The following CACNG7 variants were observed in gnomAD, a reference collection of about 807,000 sequenced individuals.
CACNG7 encodes the protein voltage-dependent calcium channel gamma-7 subunit.
CACNG7 carries 9 observed loss-of-function variants against 26.3 expected under a neutral mutation model. The ratio of observed to expected loss-of-function variants is 0.34; its 90% CI spans 0.21 to 0.60. The LOEUF is 0.60. Ranked by LOEUF, CACNG7 falls within the 20% of genes least tolerant of loss-of-function variation. The pLI, the probability that CACNG7 is intolerant of heterozygous loss-of-function variation, is 0.81. For missense variants in CACNG7, 297 were observed against 380.4 expected (o/e 0.78, Z 1.82); for synonymous variants, 170 against 157.0 (o/e 1.08, Z -0.62).
At chr19:53,933,818 T>A (rs2069089039) in intron 4 of CACNG7, among the ~76,000 whole-genome samples, 2 of 152,120 alleles carry the variant, frequency 1.3e-5, no homozygotes, top group Admixed American at 1.3e-4. Flanking sequence ...TTGCTCCATG[T>A]CATCGTTTTT....
intron 4 of CACNG7, among the ~76,000 whole-genome samples, chr19:53,920,167 C>T (rs1483993203): frequency 1.1e-5 from 1 of 89,206 alleles, no homozygotes; most frequent in African/African-American, 6.0e-5. Flanking sequence ...GGAGTTGTCC[C>T]CAGGCCTGGT....
intron 4 of CACNG7, among the ~76,000 whole-genome samples, chr19:53,931,447 G>A (rs1325542764): frequency 6.6e-6 from 1 of 151,924 alleles, no homozygotes; most frequent in Non-Finnish European, 1.5e-5. Flanking sequence ...AGCACTTTGG[G>A]AGGCCGAGCT....
chr19:53,914,290 A>AAAAGAAAAAG (rs370226310), intron 2 of CACNG7, among the ~76,000 whole-genome samples: 4 of 101,666 alleles, frequency 3.9e-5, no homozygotes, highest in African/African-American at 9.8e-5. Flanking sequence ...AAAAAAAAGA[A>AAAAGAAAAAG]AAAAAGAAAA....
intron 2 of CACNG7, 64 bp downstream of exon 2, chr19:53,913,091 C>A: frequency 7.1e-7 from 1 of 1,409,930 alleles, no homozygotes; most frequent in African/African-American, 1.4e-5. Flanking sequence ...AGAGTCTTAG[C>A]CATAGTCCCA....
intron 4 of CACNG7, among the ~76,000 whole-genome samples, chr19:53,923,905 GT>G (rs71189902): frequency 7.0e-6 from 1 of 143,394 alleles, no homozygotes; most frequent in Non-Finnish European, 1.5e-5. Flanking sequence ...GTTGCCCCAG[GT>G]CTGGTCATTG....
intron 4 of CACNG7, among the ~76,000 whole-genome samples, chr19:53,929,395 T>C (rs1351416015): frequency 6.6e-6 from 1 of 152,142 alleles, no homozygotes; most frequent in Non-Finnish European, 1.5e-5. Context: ...CTGCTCATAT[T>C]TCAAGACCAA....
At chr19:53,911,703 C>T (rs946397096) in intron 1 of CACNG7, among the ~76,000 whole-genome samples, 6 of 152,258 alleles carry the variant, frequency 3.9e-5, no homozygotes, top group African/African-American at 1.4e-4. Context: ...GTTTCCGAAC[C>T]CACAGGGCTG....
Position 53,942,476 on chromosome 19 carries a change from G to T in CACNG7, c.*183G>T, listed in dbSNP as rs949803885. 6 of 1,440,272 alleles carry T rather than the reference G, an allele frequency of 4.2e-6. No homozygotes were observed. Among genetic ancestry groups the T allele is most frequent in the South Asian group, 1.5e-5 (1 of 67,652 alleles). The allele number at this position is 1,440,272 out of a possible 1,614,324, so 89.2% of individuals were successfully genotyped here. A position where few individuals can be genotyped will look rare whatever the true frequency, so the allele number is the denominator to read the frequency against. ...CACAGACTCCCTTATTTCAATGGCCGCGCCCTCTTTTCCCGACCTCTCCTT... is the reference window on the plus strand; with the variant it reads ...CACAGACTCCCTTATTTCAATGGCCTCGCCCTCTTTTCCCGACCTCTCCTT... On this transcript the variant is annotated 3_prime_UTR_variant, in exon 6 of 6. Transcript: ENST00000391767. The surrounding 1 kb of genome is among the most constrained non-coding windows in gnomAD (Gnocchi z 5.9).
intron 1 of CACNG7, among the ~76,000 whole-genome samples, chr19:53,911,972 T>G (rs1349349237): frequency 6.6e-6 from 1 of 152,108 alleles, no homozygotes; most frequent in African/African-American, 2.4e-5. Context: ...AGCCCTGGTA[T>G]GGGGTTAGAG....
chr19:53,921,350 T>G (rs1215364240), intron 4 of CACNG7, among the ~76,000 whole-genome samples: 2 of 124,248 alleles, frequency 1.6e-5, no homozygotes, highest in African/African-American at 3.5e-5. Flanking sequence ...CCCAGGCTGG[T>G]CATTGGTGGA....
At chr19:53,925,315 T>G (rs2069018668) in intron 4 of CACNG7, among the ~76,000 whole-genome samples, 1 of 140,722 alleles carries the variant, frequency 7.1e-6, no homozygotes, top group Admixed American at 7.2e-5. Flanking sequence ...ATTGGTGGAG[T>G]TGTCCCCAGG....
At chr19:53,924,773 C>A (rs2069009594) in intron 4 of CACNG7, among the ~76,000 whole-genome samples, 2 of 124,980 alleles carry the variant, frequency 1.6e-5, no homozygotes, top group Non-Finnish European at 3.3e-5. Context: ...TAGGGCTGGT[C>A]ATTGGTGGAC....
chr19:53,931,528 A>G (rs566775263), intron 4 of CACNG7, among the ~76,000 whole-genome samples: 2 of 151,814 alleles, frequency 1.3e-5, no homozygotes, highest in African/African-American at 4.8e-5. Flanking sequence ...CTCTATTAAA[A>G]TACAAAAAAG....
intron 4 of CACNG7, among the ~76,000 whole-genome samples, chr19:53,924,195 G>GTTGGTCCCAGGTCTGGTCATTGGTGT (rs2068999257): frequency 3.0e-5 from 4 of 132,858 alleles, no homozygotes; most frequent in Non-Finnish European, 4.8e-5. Context: ...GTCATTGGTG[G>GTTGGTCCCAGGTCTGGTCATTGGTGT]AGTTGTCCCA....
intron 4 of CACNG7, among the ~76,000 whole-genome samples, chr19:53,931,685 T>TAAA (rs747430354): frequency 0.11 from 4,888 of 44,792 alleles, 300 homozygotes; most frequent in Non-Finnish European, 0.18. Flanking sequence ...AGACTCTGTC[T>TAAA]AAAAAAAAAA....
At chr19:53,921,530 A>C in intron 4 of CACNG7, among the ~76,000 whole-genome samples, 1 of 134,186 alleles carries the variant, frequency 7.5e-6, no homozygotes, top group Non-Finnish European at 1.5e-5. Context: ...GAGTTGCCCC[A>C]GGTCTGGTCA....
intron 4 of CACNG7, among the ~76,000 whole-genome samples, chr19:53,923,195 G>GTTGTCCCAGGCTGGTCATTGGTGGA (rs1568776046): frequency 4.4e-5 from 2 of 45,266 alleles, no homozygotes; most frequent in African/African-American, 2.0e-4. Context: ...TCATTGGTGG[G>GTTGTCCCAGGCTGGTCATTGGTGGA]GTTGTCCCAG....
intron 4 of CACNG7, among the ~76,000 whole-genome samples, chr19:53,919,670 C>T (rs1599971914): frequency 7.9e-6 from 1 of 125,948 alleles, no homozygotes; most frequent in Non-Finnish European, 1.6e-5. Context: ...TGTCCCCAGG[C>T]CTGGTATTGG....
intron 4 of CACNG7, among the ~76,000 whole-genome samples, chr19:53,928,265 TTA>T (rs2069047050): frequency 7.5e-6 from 1 of 133,172 alleles, no homozygotes; most frequent in African/African-American, 3.9e-5. Flanking sequence ...AGATTGGTAT[TTA>T]TTTATTTATT....
Sources: allele counts gnomAD v4.1 joint callset (sites outside exome capture counted in the v4.1 genomes callset), GRCh38; gene constraint gnomAD v4.1.1; non-coding constraint Gnocchi (gnomAD v3.1); transcripts MANE v1.5; gene names NCBI Gene and HGNC (gene_info 2026-07-23, HGNC 2026-07-21).